Variants in HCRTR2 observed in about 807,000 individuals in gnomAD.
HCRTR2 encodes the protein orexin receptor type 2.
HCRTR2 carries 22 observed loss-of-function variants against 49.0 expected under a neutral mutation model. The observed-to-expected ratio is 0.45, with a 90% confidence interval of 0.32 to 0.64. HCRTR2 has a LOEUF of 0.64. Among genes scored for constraint, HCRTR2 ranks in the 30% least tolerant of loss-of-function variants. The probability of loss-of-function intolerance (pLI) is 0.04; values close to 1 mark genes in which losing one functional copy is unlikely to be tolerated. For missense variants in HCRTR2, 491 were observed against 559.4 expected (o/e 0.88, Z 1.23); for synonymous variants, 236 against 205.3 (o/e 1.15, Z -1.28).
intron 1 of HCRTR2, among the ~76,000 whole-genome samples, chr6:55,192,399 A>ACG (rs1219346191): frequency 2.6e-5 from 2 of 76,430 alleles, no homozygotes; most frequent in Admixed American, 2.7e-4. Context: ...AAACACACAC[A>ACG]CACGCGCGCG....
At chr6:55,193,552 C>G (rs1323776460) in intron 1 of HCRTR2, among the ~76,000 whole-genome samples, 1 of 147,228 alleles carries the variant, frequency 6.8e-6, no homozygotes, top group African/African-American at 2.5e-5. Flanking sequence ...TTTTTTTTTC[C>G]TCTCATTCCA....
chr6:55,282,427 T>A lies in HCRTR2; in HGVS notation c.1308T>A (p.Asn436Lys). Residue 436 changes from asparagine (N) to lysine (K), a missense_variant, in exon 7 of 7, where the codon AAT becomes AAA. Physicochemically the swap from Asn to Lys is moderately conservative, Grantham distance 94. Coordinates refer to ENST00000370862, the MANE Select transcript of HCRTR2 (RefSeq NM_001384272.1). ...LTSISTLPAA[N>K]GAGPLQNW Reference sequence around the variant, plus strand: ...GCATAAGCACACTCCCAGCAGCCAATGGAGCAGGACCACTTCAAAACTGGT... The same window carrying A: ...GCATAAGCACACTCCCAGCAGCCAAAGGAGCAGGACCACTTCAAAACTGGT... 1 of 1,603,052 alleles carries A rather than the reference T, an allele frequency of 6.2e-7. No homozygotes were observed. The highest frequency in any genetic ancestry group is 1.1e-5 in the South Asian group (1 of 90,850).
Position 55,255,149 on chromosome 6 carries a change from C to G in HCRTR2, c.416C>G (p.Ser139Cys), listed in dbSNP as rs778439866. Residue 139 changes from serine (S) to cysteine (C), a missense_variant, in exon 3 of 7, where the codon TCT becomes TGT. Ser to Cys is a moderately radical substitution (Grantham distance 112). Transcript: ENST00000370862. ...VIPYLQTVSV[S>C]VSVLTLSCIA... is the part of the protein sequence containing the mutation. ...TCTTTTCTCTAGACCGTGTCGGTGTCTGTGTCTGTCCTCACACTGAGCTGT... is the reference window on the plus strand; with the variant it reads ...TCTTTTCTCTAGACCGTGTCGGTGTGTGTGTCTGTCCTCACACTGAGCTGT... 2 of 1,613,886 alleles carry G rather than the reference C, an allele frequency of 1.2e-6. No individual in the cohort carries two copies. The highest frequency in any genetic ancestry group is 1.7e-6 in the Non-Finnish European group (2 of 1,179,872).
intron 4 of HCRTR2, among the ~76,000 whole-genome samples, chr6:55,271,887 G>A (rs1391497559): frequency 1.3e-5 from 2 of 152,136 alleles, no homozygotes; most frequent in African/African-American, 4.8e-5. Flanking sequence ...AGGATGTGGA[G>A]TAATTGGAAT....
chr6:55,221,657 CA>C (rs1266111830), intron 1 of HCRTR2, among the ~76,000 whole-genome samples: 9 of 151,226 alleles, frequency 6.0e-5, no homozygotes, highest in Non-Finnish European at 1.3e-4. Context: ...ACTAAAAATA[CA>C]AAAAATTAGC....
At chr6:55,154,720 A>C (rs1451782008) in intron 1 of HCRTR2, among the ~76,000 whole-genome samples, 1 of 117,342 alleles carries the variant, frequency 8.5e-6, no homozygotes. Flanking sequence ...AAATAAATAT[A>C]AATAAATAAA....
At chr6:55,192,850 A>C (rs1408513719) in intron 1 of HCRTR2, among the ~76,000 whole-genome samples, 1 of 152,202 alleles carries the variant, frequency 6.6e-6, no homozygotes, top group East Asian at 1.9e-4. Flanking sequence ...ACTAAGCATG[A>C]GTATGAGGAA....
chr6:55,214,232 A>T (rs189063105), intron 1 of HCRTR2, among the ~76,000 whole-genome samples: 2 of 151,644 alleles, frequency 1.3e-5, no homozygotes, highest in Admixed American at 1.3e-4. Context: ...TTGCAAAAAA[A>T]GAATAGAGGC....
intron 1 of HCRTR2, among the ~76,000 whole-genome samples, chr6:55,211,132 C>G (rs1459001832): frequency 6.6e-6 from 1 of 152,056 alleles, no homozygotes; most frequent in Non-Finnish European, 1.5e-5. Flanking sequence ...GTGTAGTAGG[C>G]TATACCATTA....
chr6:55,255,246 C>T lies in HCRTR2; in HGVS notation c.513C>T (p.Asn171=), dbSNP rs147304413. Residue 171 remains asparagine (N), a synonymous_variant, in exon 3 of 7, where the codon AAC becomes AAT. Coordinates refer to ENST00000370862, the MANE Select transcript of HCRTR2 (RefSeq NM_001384272.1). ...MFKSTAKRAR[N]SIVIIWIVSC... is the part of the protein sequence containing the mutation. ...AGAGCACAGCAAAGCGGGCCCGTAA[C>T]AGCATTGTCATCATCTGGATTGTCT... is the stretch of plus-strand genomic sequence containing the variant. 2.9e-5 allele frequency: 47 copies of T among 1,613,928 alleles called. No individual in the cohort carries two copies. The African/African-American group carries it at 5.1e-4, about 17-fold the overall frequency.
At chr6:55,140,071 T>C (rs1764486429) in intron 1 of HCRTR2, among the ~76,000 whole-genome samples, 1 of 152,124 alleles carries the variant, frequency 6.6e-6, no homozygotes, top group Non-Finnish European at 1.5e-5. Flanking sequence ...GCATAGTGGA[T>C]ATTATTCCTG....
intron 1 of HCRTR2, among the ~76,000 whole-genome samples, chr6:55,205,884 AT>A (rs1562006409): frequency 6.6e-6 from 1 of 152,094 alleles, no homozygotes; most frequent in African/African-American, 2.4e-5. Context: ...CCTAGCTTGA[AT>A]TTTTTTACAC....
At chr6:55,241,140 A>C (rs1290639386) in intron 1 of HCRTR2, among the ~76,000 whole-genome samples, 1 of 99,956 alleles carries the variant, frequency 1.0e-5, no homozygotes, top group African/African-American at 4.0e-5. Context: ...ACCCCACAAC[A>C]GTCCCCAGAG....
chr6:55,218,667 G>A (rs907757528), intron 1 of HCRTR2, among the ~76,000 whole-genome samples: 2 of 151,698 alleles, frequency 1.3e-5, no homozygotes, highest in African/African-American at 2.4e-5. Flanking sequence ...GAACAAAGAA[G>A]GACAATATGT....
At chr6:55,145,185 A>G (rs896659235) in intron 1 of HCRTR2, among the ~76,000 whole-genome samples, 2 of 152,100 alleles carry the variant, frequency 1.3e-5, no homozygotes, top group African/African-American at 4.8e-5. Context: ...TGATATGTCA[A>G]TTGTGTAACA....
chr6:55,166,445 G>T (rs536358560), intron 1 of HCRTR2, among the ~76,000 whole-genome samples: 1 of 151,738 alleles, frequency 6.6e-6, no homozygotes, highest in African/African-American at 2.4e-5. Context: ...CAGCAGTAAA[G>T]CCATCCAGTT....
At chr6:55,252,838 T>A (rs1766578036) in intron 2 of HCRTR2, among the ~76,000 whole-genome samples, 3 of 152,074 alleles carry the variant, frequency 2.0e-5, no homozygotes, top group South Asian at 2.1e-4. Context: ...AACTTCAGAC[T>A]CAAGAATGAA....
intron 1 of HCRTR2, among the ~76,000 whole-genome samples, chr6:55,125,714 A>G (rs1377120423): frequency 3.3e-5 from 5 of 152,048 alleles, no homozygotes; most frequent in Admixed American, 6.6e-5. Context: ...GTGTTTTCCA[A>G]CTTGGTTTCA....
chr6:55,244,211 A>G (rs1469486907), intron 1 of HCRTR2, among the ~76,000 whole-genome samples: 1 of 152,032 alleles, frequency 6.6e-6, no homozygotes, highest in African/African-American at 2.4e-5. Flanking sequence ...GAGAAAAGAG[A>G]GCTCTCATTG....
Sources: allele counts gnomAD v4.1 joint callset (sites outside exome capture counted in the v4.1 genomes callset), GRCh38; gene constraint gnomAD v4.1.1; transcripts MANE v1.5; gene names NCBI Gene and HGNC (gene_info 2026-07-23, HGNC 2026-07-21).